The following RUNDC3B variants were observed in gnomAD, a reference collection of about 807,000 sequenced individuals.
The protein encoded by RUNDC3B is RUN domain containing 3B, also known as RUN domain-containing protein 3B.
In RUNDC3B, 33 loss-of-function variants were observed where a neutral mutation model predicts 58.4. That is an observed-to-expected ratio of 0.56 (90% CI 0.43 to 0.75). The LOEUF (loss-of-function observed/expected upper bound fraction) is 0.75, where lower values mean the gene tolerates loss of function less well. Ranked by LOEUF, RUNDC3B falls within the 30% of genes least tolerant of loss-of-function variation. RUNDC3B has a pLI of 0.00. For missense variants in RUNDC3B, 501 were observed against 535.7 expected (o/e 0.94, Z 0.64); for synonymous variants, 193 against 195.2 (o/e 0.99, Z 0.10).
intron 9 of RUNDC3B, among the ~76,000 whole-genome samples, chr7:87,811,290 A>G (rs1836696736): frequency 6.6e-6 from 1 of 151,678 alleles, no homozygotes; most frequent in South Asian, 2.1e-4. Context: ...AAAATTATTG[A>G]GAATCATGAG....
At chr7:87,775,385 G>C (rs530037886) in intron 7 of RUNDC3B, among the ~76,000 whole-genome samples, 2 of 152,246 alleles carry the variant, frequency 1.3e-5, no homozygotes, top group African/African-American at 2.4e-5. Flanking sequence ...TTGTATAGCT[G>C]TACAATGTAT....
At chr7:87,632,653 AT>A (rs1158903101) in intron 1 of RUNDC3B, among the ~76,000 whole-genome samples, 4 of 152,078 alleles carry the variant, frequency 2.6e-5, no homozygotes, top group African/African-American at 9.7e-5. Flanking sequence ...CGCCCTTCAG[AT>A]TTTTTTAACT....
intron 1 of RUNDC3B, among the ~76,000 whole-genome samples, chr7:87,645,048 T>C (rs1173206106): frequency 6.6e-6 from 1 of 151,766 alleles, no homozygotes; most frequent in African/African-American, 2.4e-5. Context: ...CTTTCTTAAG[T>C]TTTAAGGTTT....
chr7:87,647,902 A>C (rs1239348636), intron 1 of RUNDC3B, among the ~76,000 whole-genome samples: 1 of 152,080 alleles, frequency 6.6e-6, no homozygotes, highest in East Asian at 1.9e-4. Context: ...GGAAAATGAT[A>C]GGCCAGGCAC....
At chr7:87,645,081 CTTT>C (rs551936794) in intron 1 of RUNDC3B, among the ~76,000 whole-genome samples, 4 of 128,070 alleles carry the variant, frequency 3.1e-5, no homozygotes, top group Non-Finnish European at 3.4e-5. Context: ...TGCTTTCTTT[CTTT>C]TTTTTTTTTT....
intron 8 of RUNDC3B, among the ~76,000 whole-genome samples, chr7:87,805,379 G>T (rs149221210): frequency 2.0e-4 from 30 of 152,296 alleles, no homozygotes; most frequent in African/African-American, 7.0e-4. Context: ...AGGATTTGTT[G>T]TCTCCACATT....
In RUNDC3B at chr7:87,739,840, C is replaced by G; in HGVS notation, c.508C>G (p.Leu170Val). 6.3e-7 allele frequency: 1 copy of G among 1,599,152 alleles called. No individual in the cohort carries two copies. Among genetic ancestry groups the G allele is most frequent in the Non-Finnish European group, 8.6e-7 (1 of 1,169,514 alleles). Residue 170 changes from leucine (L) to valine (V), a missense_variant, in exon 5 of 11, where the codon CTT becomes GTT. By Grantham distance (32) the Leu-to-Val change is conservative. Coordinates refer to ENST00000394654, the MANE Select transcript of RUNDC3B (RefSeq NM_001134405.2). The stretch of plus-strand genomic sequence containing the variant: ...TGTCTTGGGTGAAGAAGCAAATATG[C>G]TTGCTGGCATGCTTCTAGGACTCAA... ...AIVLGEEANM[L>V]AGMLLGLNAI...
chr7:87,674,983 T>C (rs981025820), intron 2 of RUNDC3B, among the ~76,000 whole-genome samples: 14 of 152,242 alleles, frequency 9.2e-5, no homozygotes, highest in African/African-American at 3.4e-4. Context: ...TTGCACAGGC[T>C]GGAGCCCTGT....
At chr7:87,733,841 C>G (rs767391858) in intron 4 of RUNDC3B, among the ~76,000 whole-genome samples, 1 of 152,172 alleles carries the variant, frequency 6.6e-6, no homozygotes, top group Non-Finnish European at 1.5e-5. Context: ...CCCTGCAGCT[C>G]CAGTTCCTAA....
At position 87,687,339 on chromosome 7, in the gene RUNDC3B, C is replaced by A. The variant is rs1315963170; in HGVS notation, c.239-13082C>A. Among the ~76,000 whole-genome samples, 4 of 152,216 alleles carry A rather than the reference C, an allele frequency of 2.6e-5. No individual in the cohort carries two copies. The South Asian group carries it at 8.3e-4, about 32-fold the overall frequency. On this transcript the variant is annotated intron_variant, in intron 2 of 10. Coordinates refer to ENST00000394654, the MANE Select transcript of RUNDC3B (RefSeq NM_001134405.2). ...GTATCTGAATGGTTAACACCCTCATCCATTTGAAAACTACTCCATGAGGTT... is the reference window on the plus strand; with the variant it reads ...GTATCTGAATGGTTAACACCCTCATACATTTGAAAACTACTCCATGAGGTT...
chr7:87,635,965 G>A (rs1036891561), intron 1 of RUNDC3B, among the ~76,000 whole-genome samples: 2 of 152,156 alleles, frequency 1.3e-5, no homozygotes, highest in Non-Finnish European at 2.9e-5. Flanking sequence ...TCCATTGGAT[G>A]AATATACCAC....
chr7:87,793,148 A>G (rs575194113), intron 8 of RUNDC3B, among the ~76,000 whole-genome samples: 53 of 152,132 alleles, frequency 3.5e-4, no homozygotes, highest in Non-Finnish European at 6.6e-4. Flanking sequence ...TTGAACCATG[A>G]AGAAATCCAA....
intron 7 of RUNDC3B, among the ~76,000 whole-genome samples, chr7:87,775,387 A>G (rs1392664128): frequency 6.6e-6 from 1 of 152,266 alleles, no homozygotes; most frequent in African/African-American, 2.4e-5. Context: ...GTATAGCTGT[A>G]CAATGTATGT....
chr7:87,807,359 C>G lies in RUNDC3B; in HGVS notation c.957-14C>G, dbSNP rs1231944742. ...CAGTGAAGACAAAAGCACTCACCAT[C>G]TTAATATTCACAGGACTGTGCTAAA... On this transcript the variant is annotated splice_polypyrimidine_tract_variant and intron_variant, in intron 8 of 10. Transcript: ENST00000394654. The G allele has an allele frequency of 1.2e-6, 2 of 1,612,928 alleles. No homozygotes were observed. The highest frequency in any genetic ancestry group is 1.7e-6 in the Non-Finnish European group (2 of 1,179,266).
chr7:87,787,830 C>A (rs1835303621), intron 8 of RUNDC3B, among the ~76,000 whole-genome samples: 1 of 152,128 alleles, frequency 6.6e-6, no homozygotes, highest in South Asian at 2.1e-4. Context: ...TAAATTCACT[C>A]AGGGAGATAA....
chr7:87,701,939 C>G (rs540828025), intron 3 of RUNDC3B, among the ~76,000 whole-genome samples: 31 of 151,886 alleles, frequency 2.0e-4, no homozygotes, highest in African/African-American at 7.0e-4. Context: ...GTCAGGAGAT[C>G]GAGACCATCC....
At chr7:87,788,715 TTTTTTC>T (rs1453114478) in intron 8 of RUNDC3B, among the ~76,000 whole-genome samples, 3 of 151,456 alleles carry the variant, frequency 2.0e-5, no homozygotes, top group East Asian at 1.9e-4. Flanking sequence ...TTTTTTTTTT[TTTTTTC>T]TTTTCTTTTT....
At chr7:87,715,070 A>G (rs1397317135) in intron 4 of RUNDC3B, among the ~76,000 whole-genome samples, 1 of 150,848 alleles carries the variant, frequency 6.6e-6, no homozygotes, top group Non-Finnish European at 1.5e-5. Context: ...ATCTTTCTCT[A>G]TTCCTTTCAC....
chr7:87,717,299 T>C (rs1320680658), intron 4 of RUNDC3B, among the ~76,000 whole-genome samples: 1 of 151,820 alleles, frequency 6.6e-6, no homozygotes, highest in Non-Finnish European at 1.5e-5. Context: ...TATAAATGAA[T>C]GAAATTTTCA....
Sources: allele counts gnomAD v4.1 joint callset (sites outside exome capture counted in the v4.1 genomes callset), GRCh38; gene constraint gnomAD v4.1.1; transcripts MANE v1.5; gene names NCBI Gene and HGNC (gene_info 2026-07-23, HGNC 2026-07-21).